The following CSMD1 variants were observed in gnomAD, a reference collection of about 807,000 sequenced individuals.
The protein encoded by CSMD1 is CUB and Sushi multiple domains 1.
CSMD1 carries 213 observed loss-of-function variants against 417.5 expected under a neutral mutation model. The ratio of observed to expected loss-of-function variants is 0.51; its 90% CI spans 0.46 to 0.57. CSMD1 has a LOEUF of 0.57. Ranked by LOEUF, CSMD1 falls within the 20% of genes least tolerant of loss-of-function variation. The probability of loss-of-function intolerance (pLI) is 0.00; values close to 1 mark genes in which losing one functional copy is unlikely to be tolerated. For missense variants in CSMD1, 6,923 were observed against 4,529.7 expected, an observed-to-expected ratio of 1.53 and a Z score of -15.17; for synonymous variants, 2,862 against 1,736.8, an observed-to-expected ratio of 1.65 and a Z score of -16.11.
chr8:4,443,554 C>A (rs999790462), intron 2 of CSMD1, among the ~76,000 whole-genome samples: 1 of 152,156 alleles, frequency 6.6e-6, no homozygotes, highest in Non-Finnish European at 1.5e-5. Flanking sequence ...ATGTCAGCCA[C>A]GTGTGGCTCA....
chr8:4,695,136 T>C (rs1259540764), intron 1 of CSMD1, among the ~76,000 whole-genome samples: 3 of 152,194 alleles, frequency 2.0e-5, no homozygotes, highest in Non-Finnish European at 2.9e-5. Context: ...CCGTGACTTA[T>C]CAAATACTCA....
chr8:4,706,097 T>C (rs1466453301), intron 1 of CSMD1, among the ~76,000 whole-genome samples: 1 of 150,484 alleles, frequency 6.6e-6, no homozygotes, highest in Non-Finnish European at 1.5e-5. Flanking sequence ...ATATAATATA[T>C]AAAAACTATA....
rs763533246 is a variant in CSMD1, at chr8:3,387,694, G to C, written c.2594-12C>G. On this transcript the variant is annotated splice_polypyrimidine_tract_variant and intron_variant, in intron 17 of 69. Coordinates refer to ENST00000635120, the MANE Select transcript of CSMD1 (RefSeq NM_033225.6). ...CTCAAGCGTCACACCTGGATGCACA[G>C]AACGAATGCAGTCGATGAGGATCTT... 5 of 1,583,984 alleles carry C rather than the reference G, an allele frequency of 3.2e-6. No individual in the cohort carries two copies. In the East Asian group the frequency reaches 6.9e-5, roughly 22 times the overall value.
intron 64 of CSMD1, among the ~76,000 whole-genome samples, chr8:2,955,060 T>C (rs978306238): frequency 4.6e-5 from 7 of 152,218 alleles, no homozygotes; most frequent in African/African-American, 1.7e-4. Context: ...CACACAAATT[T>C]GTAATTAATG....
intron 1 of CSMD1, among the ~76,000 whole-genome samples, chr8:4,672,041 G>A (rs1805364021): frequency 6.6e-6 from 1 of 152,156 alleles, no homozygotes; most frequent in Admixed American, 6.5e-5. Flanking sequence ...TGACACCAAG[G>A]CAGTCCTGTA....
chr8:3,776,402 G>T (rs998067078), intron 5 of CSMD1, among the ~76,000 whole-genome samples: 4 of 152,192 alleles, frequency 2.6e-5, no homozygotes, highest in Non-Finnish European at 4.4e-5. Flanking sequence ...GGCGCTGCAA[G>T]GGCTGACACC....
At chr8:4,056,259 T>G (rs546908578) in intron 3 of CSMD1, among the ~76,000 whole-genome samples, 40 of 151,902 alleles carry the variant, frequency 2.6e-4, no homozygotes, top group African/African-American at 9.4e-4. Flanking sequence ...TTTTTGTATT[T>G]TTTAGTAGAG....
At chr8:4,115,570 A>G (rs1802090785) in intron 3 of CSMD1, among the ~76,000 whole-genome samples, 1 of 152,188 alleles carries the variant, frequency 6.6e-6, no homozygotes. Flanking sequence ...TTTGGCTAAT[A>G]AGGAACTTAA....
intron 10 of CSMD1, among the ~76,000 whole-genome samples, chr8:3,549,742 G>C (rs902383514): frequency 6.6e-6 from 1 of 152,056 alleles, no homozygotes; most frequent in Non-Finnish European, 1.5e-5. Context: ...GCAAGAAGGC[G>C]ATCCCCAGAT....
At chr8:4,126,253 C>T (rs1195181916) in intron 3 of CSMD1, among the ~76,000 whole-genome samples, 2 of 152,184 alleles carry the variant, frequency 1.3e-5, no homozygotes, top group Non-Finnish European at 2.9e-5. Flanking sequence ...CAGTCTCCCA[C>T]ACGACCGGCT....
At chr8:3,267,823 G>A (rs527269927) in intron 26 of CSMD1, among the ~76,000 whole-genome samples, 10 of 152,286 alleles carry the variant, frequency 6.6e-5, no homozygotes, top group Admixed American at 6.5e-4. Context: ...ATGTCACCCA[G>A]CTGGGCCAAC....
chr8:4,138,044 ATTTTTTTTTTTTTTTTTTTTTTT>A (rs55993904), intron 3 of CSMD1, among the ~76,000 whole-genome samples: 7 of 62,706 alleles, frequency 1.1e-4, no homozygotes, highest in Admixed American at 5.1e-4. Context: ...TGCCCGGCTA[ATTTTTTTTTTTTTTTTTTTTTTT>A]TTTTTTTTTT....
chr8:4,913,682 T>A (rs1391815916), intron 1 of CSMD1, among the ~76,000 whole-genome samples: 3 of 152,178 alleles, frequency 2.0e-5, no homozygotes, highest in Non-Finnish European at 2.9e-5. Flanking sequence ...AATTCCATCT[T>A]CATGCTTTTC....
chr8:4,906,307 T>C (rs548675329), intron 1 of CSMD1, among the ~76,000 whole-genome samples: 7 of 152,318 alleles, frequency 4.6e-5, no homozygotes, highest in African/African-American at 1.2e-4. Context: ...GTTAACACTC[T>C]TTATATGCTT....
At chr8:4,423,080 A>C (rs1303981953) in intron 2 of CSMD1, among the ~76,000 whole-genome samples, 1 of 152,086 alleles carries the variant, frequency 6.6e-6, no homozygotes, top group East Asian at 1.9e-4. Flanking sequence ...AAAAAGCCTA[A>C]AGATAACATT....
chr8:3,171,692 C>A (rs1820593594), intron 37 of CSMD1, among the ~76,000 whole-genome samples: 2 of 152,012 alleles, frequency 1.3e-5, no homozygotes, highest in South Asian at 4.1e-4. Flanking sequence ...ATCCTGAAAC[C>A]AAAGGAATTA....
chr8:3,963,481 T>G (rs779748287), intron 5 of CSMD1, among the ~76,000 whole-genome samples: 5 of 152,176 alleles, frequency 3.3e-5, no homozygotes, highest in Non-Finnish European at 4.4e-5. Context: ...AACTGAACAT[T>G]ATGCAATAGA....
chr8:4,794,631 C>G (rs971159946), intron 1 of CSMD1, among the ~76,000 whole-genome samples: 1 of 152,146 alleles, frequency 6.6e-6, no homozygotes, highest in Non-Finnish European at 1.5e-5. Flanking sequence ...GCTCCATAGT[C>G]AGGAACCTCC....
chr8:4,567,029 C>T (rs1488303126), intron 2 of CSMD1, among the ~76,000 whole-genome samples: 3 of 152,122 alleles, frequency 2.0e-5, no homozygotes, highest in South Asian at 2.1e-4. Flanking sequence ...TATTAACTGG[C>T]GTCCTACGGA....
Sources: gnomAD v4.1 joint callset for allele counts (sites outside exome capture counted in the v4.1 genomes callset) on GRCh38, gnomAD v4.1.1 for gene constraint, MANE v1.5 for transcripts, NCBI Gene and HGNC (gene_info 2026-07-23, HGNC 2026-07-21) for gene names.